RPRD1B: variants seen among roughly 807,000 people sequenced by gnomAD.
The protein encoded by RPRD1B is regulation of nuclear pre-mRNA domain-containing protein 1B.
RPRD1B carries 11 observed loss-of-function variants against 41.5 expected under a neutral mutation model. The ratio of observed to expected loss-of-function variants is 0.27; its 90% CI spans 0.17 to 0.44. The LOEUF (loss-of-function observed/expected upper bound fraction) is 0.44, where lower values mean the gene tolerates loss of function less well. Ranked by LOEUF, RPRD1B falls within the 20% of genes least tolerant of loss-of-function variation. The pLI is 1.00. For synonymous variants in RPRD1B, 158 were observed against 155.6 expected (o/e 1.02, Z -0.12); for missense variants, 248 against 389.9 (o/e 0.64, Z 3.06).
chr20:38,048,375 T>C lies in RPRD1B; in HGVS notation c.309T>C (p.Pro103=). 4 of 1,613,896 alleles carry C rather than the reference T, an allele frequency of 2.5e-6. No homozygotes were observed. Among genetic ancestry groups the C allele is most frequent in the Non-Finnish European group, 3.4e-6 (4 of 1,179,860 alleles). The stretch of plus-strand genomic sequence containing the variant: ...AGGCAGATGAAGGCTGTAAAAAACC[T>C]TTAGAAAGATTGCTGAACATCTGGC... ...AREADEGCKK[P]LERLLNIWQE... Residue 103 remains proline, a synonymous_variant, in exon 3 of 7, where the codon CCT becomes CCC. Coordinates refer to ENST00000373433, the MANE Select transcript of RPRD1B (RefSeq NM_021215.4).
chr20:38,035,759 AT>A (rs909716153), intron 1 of RPRD1B, among the ~76,000 whole-genome samples: 1 of 139,882 alleles, frequency 7.1e-6, no homozygotes, highest in Non-Finnish European at 1.5e-5. Flanking sequence ...CTCAGGTGTC[AT>A]TTTTTTTGTT....
Position 38,052,899 on chromosome 20 carries a change from C to T in RPRD1B, c.415+4418C>T, listed in dbSNP as rs2122714447. ...GCTTTTTGCCTTAAGATTAGTTTCA[C>T]AGTCTGCCATTGTGTCTGAAATTCT... On this transcript the variant is annotated intron_variant, in intron 3 of 6. Transcript: ENST00000373433. Among the ~76,000 whole-genome samples the T allele has an allele frequency of 2.0e-5, 3 of 151,632 alleles. No individual in the cohort carries two copies. The South Asian group carries it at 6.2e-4, about 32-fold the overall frequency.
chr20:38,054,191 T>C (rs1356155780), intron 3 of RPRD1B, among the ~76,000 whole-genome samples: 1 of 152,186 alleles, frequency 6.6e-6, no homozygotes, highest in Non-Finnish European at 1.5e-5. Flanking sequence ...CAAGGCCTTG[T>C]ACCTGGAAGA....
intron 6 of RPRD1B, among the ~76,000 whole-genome samples, chr20:38,080,228 T>G (rs567155000): frequency 6.6e-6 from 1 of 152,356 alleles, no homozygotes; most frequent in Non-Finnish European, 1.5e-5. Flanking sequence ...TAATTAGATT[T>G]TACTTTTCAG....
In RPRD1B at chr20:38,087,879, C is replaced by A. The variant is rs142589440; in HGVS notation, c.832-1847C>A. Among the ~76,000 whole-genome samples the A allele has an allele frequency of 4.6e-3, 702 of 152,200 alleles. 4 individuals carry two copies. Among genetic ancestry groups the A allele is most frequent in the African/African-American group, 0.016 (646 of 41,520 alleles). On this transcript the variant is annotated intron_variant, in intron 6 of 6. Transcript: ENST00000373433. ...ATGTTTTAGATATGGCTCATTCATT[C>A]GGCACATGTGCTGGGTGCCTACTGT...
At chr20:38,080,375 A>G (rs914443572) in intron 6 of RPRD1B, among the ~76,000 whole-genome samples, 4 of 152,204 alleles carry the variant, frequency 2.6e-5, no homozygotes, top group Admixed American at 2.6e-4. Flanking sequence ...TGGTTTTTAT[A>G]TATGGTAAAA....
chr20:38,070,688 TAAGG>T (rs1434246583), intron 6 of RPRD1B: 1 of 984,012 alleles, frequency 1.0e-6, no homozygotes, highest in Non-Finnish European at 1.2e-6. Flanking sequence ...GTACAAGTAT[TAAGG>T]AAAGAAAAAA....
intron 3 of RPRD1B, among the ~76,000 whole-genome samples, chr20:38,051,696 A>G (rs2074186267): frequency 6.6e-6 from 1 of 152,258 alleles, no homozygotes; most frequent in South Asian, 2.1e-4. Context: ...TAGGTTACCC[A>G]GCTTTCCTGG....
chr20:38,062,044 GAGA>G (rs1305919634), intron 5 of RPRD1B, among the ~76,000 whole-genome samples: 13 of 152,180 alleles, frequency 8.5e-5, no homozygotes, highest in Admixed American at 8.5e-4. Flanking sequence ...GAGGGGGAAT[GAGA>G]AGGAGGTATT....
chr20:38,046,023 C>T (rs2074117278), intron 2 of RPRD1B, among the ~76,000 whole-genome samples: 1 of 152,220 alleles, frequency 6.6e-6, no homozygotes, highest in East Asian at 1.9e-4. Flanking sequence ...TATACTTCAG[C>T]TACTTGAATT....
chr20:38,039,356 T>A (rs2074038989), intron 1 of RPRD1B, among the ~76,000 whole-genome samples: 1 of 152,170 alleles, frequency 6.6e-6, no homozygotes, highest in South Asian at 2.1e-4. Context: ...TTGATTATGG[T>A]TATTGGAGTA....
At chr20:38,062,136 G>A (rs1211949113) in intron 5 of RPRD1B, among the ~76,000 whole-genome samples, 1 of 152,170 alleles carries the variant, frequency 6.6e-6, no homozygotes, top group Non-Finnish European at 1.5e-5. Context: ...TAATTAATTG[G>A]TGATATTCCA....
At chr20:38,082,868 A>AGACT (rs1292460415) in intron 6 of RPRD1B, among the ~76,000 whole-genome samples, 1 of 152,218 alleles carries the variant, frequency 6.6e-6, no homozygotes, top group Non-Finnish European at 1.5e-5. Context: ...AGTAACCTAC[A>AGACT]GACTGTCTTA....
intron 5 of RPRD1B, among the ~76,000 whole-genome samples, chr20:38,062,185 G>A (rs1308306366): frequency 6.6e-6 from 1 of 152,132 alleles, no homozygotes; most frequent in Non-Finnish European, 1.5e-5. Context: ...AGTAGCAGTG[G>A]GAACTAGGAC....
At position 38,047,904 on chromosome 20, in the gene RPRD1B, T is replaced by C. The variant is rs536169935; in HGVS notation, c.282-444T>C. ...GATTGTGTTTATACATGTAGAGGTG[T>C]TGGTGTGTTAGAATTGATGAGTTGC... On this transcript the variant is annotated intron_variant, in intron 2 of 6. Transcript: ENST00000373433. 4.6e-5 allele frequency among the ~76,000 whole-genome samples: 7 copies of C among 152,324 alleles called. No homozygotes were observed. The East Asian group carries it at 1.4e-3, about 29-fold the overall frequency.
intron 6 of RPRD1B, chr20:38,085,512 G>A (rs1484060185): frequency 6.6e-6 from 1 of 152,242 alleles, no homozygotes; most frequent in African/African-American, 2.4e-5. Flanking sequence ...AAGAATCTGA[G>A]TGGGTCTCAT....
At chr20:38,035,160 T>A (rs1239283638) in intron 1 of RPRD1B, among the ~76,000 whole-genome samples, 1 of 152,114 alleles carries the variant, frequency 6.6e-6, no homozygotes, top group East Asian at 1.9e-4. Flanking sequence ...TTCAGCAGAT[T>A]ATGGTGAGAT....
intron 6 of RPRD1B, among the ~76,000 whole-genome samples, chr20:38,067,220 G>A (rs2074366619): frequency 6.6e-6 from 1 of 152,118 alleles, no homozygotes; most frequent in Non-Finnish European, 1.5e-5. Context: ...TGCTCCCGTG[G>A]GATAACAGAG....
intron 6 of RPRD1B, chr20:38,085,441 A>G (rs1438747633): frequency 6.6e-6 from 1 of 152,248 alleles, no homozygotes; most frequent in Non-Finnish European, 1.5e-5. Flanking sequence ...TCATTTTTCT[A>G]CCTGAGTGGT....
Sources: gnomAD v4.1 joint callset for allele counts (sites outside exome capture counted in the v4.1 genomes callset) on GRCh38, gnomAD v4.1.1 for gene constraint, MANE v1.5 for transcripts, NCBI Gene and HGNC (gene_info 2026-07-23, HGNC 2026-07-21) for gene names.